Variants in APBA2 observed in about 807,000 individuals in gnomAD.
The protein encoded by APBA2 is amyloid beta precursor protein binding family A member 2.
In APBA2, 30 loss-of-function variants were observed where a neutral mutation model predicts 75.0. The ratio of observed to expected loss-of-function variants is 0.40; its 90% CI spans 0.30 to 0.54. APBA2 has a LOEUF of 0.54. Among genes scored for constraint, APBA2 ranks in the 20% least tolerant of loss-of-function variants. APBA2 has a pLI of 0.49. For missense variants in APBA2, 801 were observed against 1,016.1 expected, an observed-to-expected ratio of 0.79 and a Z score of 2.88; for synonymous variants, 444 against 409.6, an observed-to-expected ratio of 1.08 and a Z score of -1.01.
intron 3 of APBA2, among the ~76,000 whole-genome samples, chr15:28,999,156 GAAAA>G (rs752977003): frequency 3.2e-5 from 4 of 124,526 alleles, no homozygotes; most frequent in Non-Finnish European, 7.0e-5. Context: ...CAAAAAAAAA[GAAAA>G]AAAAAAAGGC....
intron 6 of APBA2, among the ~76,000 whole-genome samples, chr15:29,082,568 C>T (rs966243982): frequency 6.6e-6 from 1 of 152,178 alleles, no homozygotes; most frequent in Non-Finnish European, 1.5e-5. Flanking sequence ...TTATTCTTTA[C>T]ATATAAAGGA....
chr15:28,958,917 C>A (rs2036317901), intron 2 of APBA2, among the ~76,000 whole-genome samples: 3 of 151,650 alleles, frequency 2.0e-5, no homozygotes, highest in Admixed American at 6.6e-5. Context: ...TTTGGTGGTT[C>A]AGTAACTATT....
intron 4 of APBA2, among the ~76,000 whole-genome samples, chr15:29,069,145 A>G (rs997269450): frequency 6.6e-6 from 1 of 152,178 alleles, no homozygotes; most frequent in Non-Finnish European, 1.5e-5. Context: ...TTATTTCATC[A>G]TCATGTTTTC....
intron 3 of APBA2, among the ~76,000 whole-genome samples, chr15:29,049,674 G>A (rs998355350): frequency 6.6e-5 from 10 of 152,172 alleles, no homozygotes; most frequent in African/African-American, 2.4e-4. Context: ...CTCTCCCACT[G>A]TATCTTACAC....
Position 28,987,725 on chromosome 15 carries a change from G to GACATATATATATATATATATATAT in APBA2, c.-94-8027_-94-8026insCATATATATATATATATATATATA, listed in dbSNP as rs1469936230. On this transcript the variant is annotated intron_variant, in intron 2 of 14. Coordinates refer to ENST00000683413, the MANE Select transcript of APBA2 (RefSeq NM_001353788.2). ...AAGGGAGTGTCAAAGAATATGTGGA[G>GACATATATATATATATATATATAT]AGAGATATATATATATATATATATA... 3.4e-5 allele frequency among the ~76,000 whole-genome samples: 4 copies of GACATATATATATATATATATATAT among 118,558 alleles called. No individual in the cohort carries two copies. The South Asian group carries it at 1.3e-3, about 38-fold the overall frequency. The allele number at this position is 118,558 out of a possible 152,430, so 77.8% of individuals were successfully genotyped here.
At chr15:28,957,287 C>T (rs7175372) in intron 2 of APBA2, among the ~76,000 whole-genome samples, 5,057 of 151,940 alleles carry the variant, frequency 0.033, 298 homozygotes, top group African/African-American at 0.12. Context: ...GTGTTAGCCA[C>T]GATGGTCTCA....
At chr15:28,925,424 A>G (rs530278774) in intron 2 of APBA2, among the ~76,000 whole-genome samples, 199 of 152,314 alleles carry the variant, frequency 1.3e-3, no homozygotes, top group African/African-American at 4.7e-3. Context: ...TTTCTGGAAT[A>G]GGTTGTAAAG....
Position 29,074,994 on chromosome 15 carries a change from T to C in APBA2, c.1025T>C (p.Ile342Thr), listed in dbSNP as rs376471096. The C allele has an allele frequency of 3.1e-6, 5 of 1,613,580 alleles. No individual in the cohort carries two copies. Among genetic ancestry groups the C allele is most frequent in the Non-Finnish European group, 4.2e-6 (5 of 1,179,624 alleles). The change falls in exon 5 of 15, where the codon ATT (isoleucine) becomes ACT (threonine). Residue 342 changes from isoleucine to threonine, a missense_variant. Ile to Thr is a moderately conservative substitution (Grantham distance 89, BLOSUM62 -1). Coordinates refer to ENST00000683413, the MANE Select transcript of APBA2 (RefSeq NM_001353788.2). Reference protein sequence around the residue: ...DLNGPVDNNNIPETKKVASFP... With the variant: ...DLNGPVDNNNTPETKKVASFP... ...AATGGACCTGTTGACAATAACAACA[T>C]TCCAGAGGTAATTTTTTTCAAGGAT...
intron 3 of APBA2, among the ~76,000 whole-genome samples, chr15:29,016,921 A>G (rs2039689652): frequency 6.6e-6 from 1 of 151,962 alleles, no homozygotes; most frequent in Non-Finnish European, 1.5e-5. Flanking sequence ...CCTTTCATCA[A>G]ATGATGCTTA....
chr15:29,029,880 C>A (rs934293658), intron 3 of APBA2, among the ~76,000 whole-genome samples: 1 of 152,246 alleles, frequency 6.6e-6, no homozygotes, highest in African/African-American at 2.4e-5. Flanking sequence ...GGTGTGAGTT[C>A]GGGCACCAGC....
At chr15:29,052,299 C>T (rs190319033) in intron 3 of APBA2, among the ~76,000 whole-genome samples, 10 of 151,794 alleles carry the variant, frequency 6.6e-5, no homozygotes, top group Middle Eastern at 3.4e-3. Context: ...ACTAAAAATA[C>T]GAAAAATTAG....
chr15:28,916,481 G>A (rs2033696734), intron 1 of APBA2, among the ~76,000 whole-genome samples: 1 of 152,194 alleles, frequency 6.6e-6, no homozygotes, highest in South Asian at 2.1e-4. Context: ...AAAGTAAAAT[G>A]TCCAGGCCCC....
Position 29,117,668 on chromosome 15 carries a change from G to GTGATTGAT in APBA2, c.*546_*553dup, listed in dbSNP as rs3833817. ...ACTTGTAATGAAAGTTTGGGGACAT[G>GTGATTGAT]TGATTGATTGATTGATTGTAAATAA... On this transcript the variant is annotated 3_prime_UTR_variant, in exon 15 of 15. Coordinates refer to ENST00000683413, the MANE Select transcript of APBA2 (RefSeq NM_001353788.2). The GTGATTGAT allele has an allele frequency of 0.023, 3,630 of 155,646 alleles. 58 individuals carry two copies. Among genetic ancestry groups the GTGATTGAT allele is most frequent in the Middle Eastern group, 0.077 (24 of 310 alleles). The allele number at this position is 155,646 out of a possible 1,614,324, so 9.6% of individuals were successfully genotyped here.
intron 14 of APBA2, among the ~76,000 whole-genome samples, chr15:29,115,523 C>T (rs1290127546): frequency 6.6e-6 from 1 of 152,154 alleles, no homozygotes; most frequent in Non-Finnish European, 1.5e-5. Context: ...AGCCCCACAC[C>T]TGTGAGGAAA....
At chr15:29,058,588 C>A in intron 4 of APBA2, among the ~76,000 whole-genome samples, 1 of 152,092 alleles carries the variant, frequency 6.6e-6, no homozygotes, top group East Asian at 1.9e-4. Context: ...CCCTCCTGAG[C>A]TGTAGGATGC....
chr15:29,045,948 A>G (rs1315523765), intron 3 of APBA2, among the ~76,000 whole-genome samples: 2 of 152,244 alleles, frequency 1.3e-5, no homozygotes, highest in East Asian at 3.9e-4. Context: ...GCCCTCCTAC[A>G]GGGCAGCTGT....
At chr15:29,111,695 C>T (rs1252001153) in intron 13 of APBA2, among the ~76,000 whole-genome samples, 6 of 152,078 alleles carry the variant, frequency 3.9e-5, no homozygotes, top group Admixed American at 1.3e-4. Flanking sequence ...CTGGCTGTCC[C>T]CATTTGGCCC....
In APBA2 at chr15:29,108,404, C is replaced by G. The variant is rs201091441; in HGVS notation, c.2037+15C>G. On this transcript the variant is annotated intron_variant, in intron 13 of 14. Coordinates refer to ENST00000683413, the MANE Select transcript of APBA2 (RefSeq NM_001353788.2). ...AGAATGGAATTGTGAGTTCCCCCTCCTGCTCTGGGCCACCACCACCACTGC... is the reference window on the plus strand; with the variant it reads ...AGAATGGAATTGTGAGTTCCCCCTCGTGCTCTGGGCCACCACCACCACTGC... The G allele has an allele frequency of 1.7e-5, 28 of 1,613,914 alleles. No individual in the cohort carries two copies. The African/African-American group carries it at 3.6e-4, about 21-fold the overall frequency.
intron 10 of APBA2, among the ~76,000 whole-genome samples, chr15:29,103,533 G>A (rs990542134): frequency 6.6e-6 from 1 of 152,256 alleles, no homozygotes; most frequent in Non-Finnish European, 1.5e-5. Context: ...GCCGGTACCC[G>A]GCGTGGAGTG....
Sources: gnomAD v4.1 joint callset for allele counts (sites outside exome capture counted in the v4.1 genomes callset) on GRCh38, gnomAD v4.1.1 for gene constraint, MANE v1.5 for transcripts, NCBI Gene and HGNC (gene_info 2026-07-23, HGNC 2026-07-21) for gene names.